The following MALRD1 variants were observed in gnomAD, a reference collection of about 807,000 sequenced individuals.
MALRD1 encodes the protein MAM and LDL-receptor class A domain-containing protein 1.
MALRD1 carries 247 observed loss-of-function variants against 242.1 expected under a neutral mutation model. The observed-to-expected ratio is 1.02, with a 90% CI of 0.92 to 1.13. The LOEUF is 1.13. Ranked by LOEUF, MALRD1 falls within the 50% of genes most tolerant of loss-of-function variation. The pLI is 0.00. For missense variants in MALRD1, 2,989 were observed against 2,533.1 expected, an observed-to-expected ratio of 1.18 and a Z score of -3.86; for synonymous variants, 995 against 866.6, an observed-to-expected ratio of 1.15 and a Z score of -2.60.
chr10:19,048,785 TG>T (rs1369606287), upstream of MALRD1: 17 of 477,966 alleles, frequency 3.6e-5, no homozygotes, highest in Non-Finnish European at 2.0e-5. Flanking sequence ...ATTAACTGCC[TG>T]GGGAGTAATT....
At chr10:19,583,913 G>T (rs1353080772) in intron 33 of MALRD1, among the ~76,000 whole-genome samples, 1 of 152,140 alleles carries the variant, frequency 6.6e-6, no homozygotes, top group Non-Finnish European at 1.5e-5. Flanking sequence ...CCTGTTATTG[G>T]TCTATTCAGA....
chr10:19,251,462 G>A (rs10827154), intron 18 of MALRD1, among the ~76,000 whole-genome samples: 32,915 of 151,790 alleles, frequency 0.22, 3,985 homozygotes, highest in Admixed American at 0.39. Flanking sequence ...GTGACTGTCT[G>A]ACATGCAGGT....
intron 25 of MALRD1, 32 bp downstream of exon 25, chr10:19,348,050 A>G: frequency 2.6e-6 from 4 of 1,541,168 alleles, no homozygotes; most frequent in Non-Finnish European, 3.5e-6. Context: ...CCAACCAAAC[A>G]AACACAGAAT....
At chr10:19,221,272 G>C (rs1195115801) in intron 18 of MALRD1, among the ~76,000 whole-genome samples, 5 of 151,996 alleles carry the variant, frequency 3.3e-5, no homozygotes, top group Non-Finnish European at 7.4e-5. Flanking sequence ...ATAATGTTAA[G>C]TTGATCCCAC....
At chr10:19,204,181 T>A (rs2131615391) in intron 15 of MALRD1, 127 bp from the exon 16 acceptor site, 1 of 696,678 alleles carries the variant, frequency 1.4e-6, no homozygotes, top group South Asian at 2.0e-5. Flanking sequence ...AGTCACTGAT[T>A]GATTATTGTA....
intron 28 of MALRD1, among the ~76,000 whole-genome samples, chr10:19,397,395 A>G (rs1846630392): frequency 6.6e-6 from 1 of 152,138 alleles, no homozygotes; most frequent in East Asian, 1.9e-4. Context: ...AGCCTTATCA[A>G]TGTTATTGCA....
chr10:19,386,330 T>C (rs1322399613), intron 26 of MALRD1, among the ~76,000 whole-genome samples: 1 of 151,990 alleles, frequency 6.6e-6, no homozygotes, highest in Non-Finnish European at 1.5e-5. Context: ...CTCCAGAGGT[T>C]CATGTGGCAG....
chr10:19,280,014 C>A, intron 19 of MALRD1, 33 bp from the exon 20 acceptor site: 1 of 1,425,786 alleles, frequency 7.0e-7, no homozygotes, highest in Non-Finnish European at 9.2e-7. Flanking sequence ...AGAAAACCTG[C>A]TAAATGATGC....
intron 21 of MALRD1, among the ~76,000 whole-genome samples, chr10:19,295,812 G>T (rs958863936): frequency 2.4e-4 from 36 of 152,116 alleles, no homozygotes; most frequent in African/African-American, 8.7e-4. Flanking sequence ...GAATTGCCTG[G>T]AGATTTGTTA....
At chr10:19,356,276 A>T (rs192759079) in intron 26 of MALRD1, among the ~76,000 whole-genome samples, 6 of 152,092 alleles carry the variant, frequency 3.9e-5, no homozygotes, top group Admixed American at 3.9e-4. Flanking sequence ...GTCTGTATCT[A>T]TATGGAAGGG....
At chr10:19,729,611 G>GTC (rs1835194056) in intron 38 of MALRD1, among the ~76,000 whole-genome samples, 1 of 148,168 alleles carries the variant, frequency 6.7e-6, no homozygotes, top group Non-Finnish European at 1.5e-5. Flanking sequence ...GTGTGTGTGT[G>GTC]TGTATTTAGT....
At chr10:19,094,698 G>T (rs1445923731) in intron 4 of MALRD1, among the ~76,000 whole-genome samples, 1 of 152,196 alleles carries the variant, frequency 6.6e-6, no homozygotes, top group Non-Finnish European at 1.5e-5. Flanking sequence ...GGGTAATGAG[G>T]AAGGAGACTG....
At chr10:19,408,633 A>G (rs1256709132) in intron 28 of MALRD1, among the ~76,000 whole-genome samples, 1 of 152,240 alleles carries the variant, frequency 6.6e-6, no homozygotes, top group Admixed American at 6.5e-5. Context: ...ATTTCACTGA[A>G]AAGAATATAC....
At chr10:19,320,627 A>G (rs1185974939) in intron 21 of MALRD1, among the ~76,000 whole-genome samples, 1 of 152,110 alleles carries the variant, frequency 6.6e-6, no homozygotes, top group Non-Finnish European at 1.5e-5. Context: ...CTAGTTCTAG[A>G]TCCTTGAGGA....
intron 21 of MALRD1, among the ~76,000 whole-genome samples, chr10:19,308,344 C>A (rs1454014824): frequency 1.3e-5 from 2 of 151,470 alleles, no homozygotes; most frequent in East Asian, 1.9e-4. Flanking sequence ...ATTCAATATC[C>A]TCCTCCTATG....
At chr10:19,111,198 ACT>A (rs1836667378) in intron 5 of MALRD1, among the ~76,000 whole-genome samples, 1 of 152,282 alleles carries the variant, frequency 6.6e-6, no homozygotes, top group Non-Finnish European at 1.5e-5. Flanking sequence ...ATTTAAAAAG[ACT>A]CTATAAAATC....
At chr10:19,369,556 A>G (rs1477323204) in intron 26 of MALRD1, among the ~76,000 whole-genome samples, 1 of 149,304 alleles carries the variant, frequency 6.7e-6, no homozygotes, top group Admixed American at 6.7e-5. Flanking sequence ...AAATATATTT[A>G]CATATAATAT....
At chr10:19,102,480 G>A (rs1294755831) in intron 4 of MALRD1, among the ~76,000 whole-genome samples, 1 of 151,954 alleles carries the variant, frequency 6.6e-6, no homozygotes, top group Non-Finnish European at 1.5e-5. Flanking sequence ...AAATATATTG[G>A]TACAGCATAT....
At chr10:19,631,958 T>C (rs1368552237) in intron 36 of MALRD1, among the ~76,000 whole-genome samples, 1 of 152,200 alleles carries the variant, frequency 6.6e-6, no homozygotes, top group Non-Finnish European at 1.5e-5. Context: ...GTTGATAGTT[T>C]CTTCTGCTGC....
Sources: gnomAD v4.1 joint callset for allele counts (sites outside exome capture counted in the v4.1 genomes callset) on GRCh38, gnomAD v4.1.1 for gene constraint, MANE v1.5 for transcripts, NCBI Gene and HGNC (gene_info 2026-07-23, HGNC 2026-07-21) for gene names.